Variants in LMF1 observed in about 807,000 individuals in gnomAD.
LMF1 encodes the protein lipase maturation factor 1, also known as transmembrane protein 112.
In LMF1, 68 loss-of-function variants were observed where a neutral mutation model predicts 60.6. The observed-to-expected ratio is 1.12, with a 90% CI of 0.92 to 1.37. The LOEUF is 1.37. Among genes scored for constraint, LMF1 ranks in the 40% most tolerant of loss-of-function variants. The pLI is 0.00. For synonymous variants in LMF1, 418 were observed against 324.7 expected (o/e 1.29, Z -3.09); for missense variants, 948 against 767.2 (o/e 1.24, Z -2.78).
chr16:867,615 G>A (rs1283740237), intron 10 of LMF1, among the ~76,000 whole-genome samples: 1 of 152,220 alleles, frequency 6.6e-6, no homozygotes, highest in African/African-American at 2.4e-5. Flanking sequence ...TGGTGGCCAC[G>A]TGGCAGGCAA....
intron 6 of LMF1, among the ~76,000 whole-genome samples, chr16:877,900 G>A (rs1331375925): frequency 6.6e-6 from 1 of 152,158 alleles, no homozygotes; most frequent in East Asian, 1.9e-4. Flanking sequence ...ACCAAGAGGA[G>A]GAAGTGTGAC....
chr16:944,707 A>G (rs1597045717), intron 2 of LMF1, among the ~76,000 whole-genome samples: 2 of 152,176 alleles, frequency 1.3e-5, no homozygotes, highest in South Asian at 4.1e-4. Flanking sequence ...TATTGTTTCA[A>G]TGTGAGACGT....
chr16:963,718 G>A (rs769371216), intron 1 of LMF1, among the ~76,000 whole-genome samples: 5 of 152,032 alleles, frequency 3.3e-5, no homozygotes, highest in Non-Finnish European at 5.9e-5. Flanking sequence ...GCAAACTCCA[G>A]GACCACAGAG....
intron 10 of LMF1, among the ~76,000 whole-genome samples, chr16:862,025 G>C (rs528630733): frequency 3.9e-5 from 6 of 152,320 alleles, no homozygotes; most frequent in Admixed American, 2.6e-4. Flanking sequence ...AACACTGACA[G>C]ATGTGATCGT....
At chr16:877,245 TA>T (rs2070018289) in intron 6 of LMF1, among the ~76,000 whole-genome samples, 1 of 152,178 alleles carries the variant, frequency 6.6e-6, no homozygotes. Context: ...AAGATAATAC[TA>T]TGACTTTTTT....
At chr16:908,502 G>A (rs1038972263) in intron 4 of LMF1, among the ~76,000 whole-genome samples, 3 of 151,732 alleles carry the variant, frequency 2.0e-5, no homozygotes, top group Admixed American at 6.6e-5. Flanking sequence ...GAGCACACCC[G>A]ACCAGGCAAG....
chr16:959,037 A>T (rs1036412498), intron 1 of LMF1, among the ~76,000 whole-genome samples: 2 of 152,200 alleles, frequency 1.3e-5, no homozygotes, highest in Non-Finnish European at 2.9e-5. Flanking sequence ...TGACCCAGAT[A>T]ATGAAGGGTT....
chr16:962,152 G>A lies in LMF1; in HGVS notation c.194-7486C>T, dbSNP rs1205395492. On this transcript the variant is annotated intron_variant, in intron 1 of 10. Coordinates refer to ENST00000262301, the MANE Select transcript of LMF1 (RefSeq NM_022773.4). This position sits in a 1 kb window ranked among gnomAD's most constrained non-coding sequence, Gnocchi z 4.5. The stretch of plus-strand genomic sequence containing the variant: ...AGACACAGACTCACGGTGACAGCAC[G>A]GGATCACGACCCAGACACAGACTCA... Among the ~76,000 whole-genome samples the A allele has an allele frequency of 1.3e-3, 23 of 18,164 alleles. No homozygotes were observed. Among genetic ancestry groups the A allele is most frequent in the South Asian group, 4.3e-3 (1 of 230 alleles). The allele number at this position is 18,164 out of a possible 152,430, so 11.9% of individuals were successfully genotyped here. A position where few individuals can be genotyped will look rare whatever the true frequency, so the allele number is the denominator to read the frequency against.
upstream of LMF1, among the ~76,000 whole-genome samples, chr16:972,123 G>C (rs150296069): frequency 1.2e-3 from 180 of 152,246 alleles, 1 homozygote; most frequent in African/African-American, 3.9e-3. Flanking sequence ...TGTGGACATC[G>C]GGCCCCCAAA....
chr16:865,582 G>C (rs1294118102), intron 10 of LMF1, among the ~76,000 whole-genome samples: 2 of 152,098 alleles, frequency 1.3e-5, no homozygotes, highest in African/African-American at 2.4e-5. Flanking sequence ...ATTATCTCTG[G>C]TTTTTAGAAA....
At position 879,866 on chromosome 16, in the gene LMF1, C is replaced by G. The variant is rs535906927; in HGVS notation, c.730-129G>C. The G allele has an allele frequency of 1.0e-5, 9 of 898,684 alleles. No individual in the cohort carries two copies. In the African/African-American group the frequency reaches 1.2e-4, roughly 12 times the overall value. 55.7% of individuals were successfully genotyped at this position (898,684 alleles called of 1,614,324 possible). ...CACAGGATCCCCCCGGCCCGCCTGG[C>G]CCTGCACACGTGGAGCCCACCTGCC... On this transcript the variant is annotated intron_variant, in intron 5 of 10. Coordinates refer to ENST00000262301, the MANE Select transcript of LMF1 (RefSeq NM_022773.4).
chr16:875,752 C>T (rs1196396316), intron 6 of LMF1, among the ~76,000 whole-genome samples: 1 of 152,168 alleles, frequency 6.6e-6, no homozygotes, highest in Admixed American at 6.5e-5. Context: ...GCCTCGGAAC[C>T]AGACCCGAGC....
At chr16:915,326 G>GCC (rs1020539171) in intron 3 of LMF1, among the ~76,000 whole-genome samples, 2 of 152,306 alleles carry the variant, frequency 1.3e-5, no homozygotes, top group Non-Finnish European at 2.9e-5. Context: ...AGGGTGGTGC[G>GCC]GAGAGCCCTC....
chr16:948,959 C>CCAACGACAGAGTCAGT (rs2072345459), intron 2 of LMF1, among the ~76,000 whole-genome samples: 1 of 75,362 alleles, frequency 1.3e-5, no homozygotes, highest in Non-Finnish European at 2.3e-5. Flanking sequence ...AGAGTCAGAG[C>CCAACGACAGAGTCAGT]CAACGACAGA....
intron 10 of LMF1, among the ~76,000 whole-genome samples, chr16:860,111 T>A (rs981590025): frequency 2.0e-5 from 3 of 151,574 alleles, no homozygotes; most frequent in Admixed American, 1.3e-4. Flanking sequence ...TATTAAGTTA[T>A]GAAACTTCTT....
At chr16:859,200 A>C (rs1377077424) in intron 10 of LMF1, among the ~76,000 whole-genome samples, 5 of 78,228 alleles carry the variant, frequency 6.4e-5, no homozygotes, top group Admixed American at 1.3e-4. Flanking sequence ...GACGGGTGTG[A>C]GTGGTGTCTC....
upstream of LMF1, among the ~76,000 whole-genome samples, chr16:972,606 G>A (rs897444082): frequency 3.3e-5 from 5 of 152,234 alleles, no homozygotes; most frequent in African/African-American, 9.6e-5. Context: ...GCCTGCTAGG[G>A]GACGGACGGC....
At chr16:909,505 G>A (rs561660637) in intron 4 of LMF1, among the ~76,000 whole-genome samples, 83 of 152,182 alleles carry the variant, frequency 5.5e-4, no homozygotes, top group African/African-American at 1.9e-3. Context: ...ACTGAGCCAC[G>A]CTACACAGAG....
chr16:927,745 T>G (rs1223637693), intron 3 of LMF1, among the ~76,000 whole-genome samples: 1 of 152,178 alleles, frequency 6.6e-6, no homozygotes, highest in East Asian at 1.9e-4. Context: ...TAATAAAAAC[T>G]TCCAGTTGGG....
Sources: gnomAD v4.1 joint callset for allele counts (sites outside exome capture counted in the v4.1 genomes callset) on GRCh38, gnomAD v4.1.1 for gene constraint, Gnocchi (gnomAD v3.1) non-coding constraint, MANE v1.5 for transcripts, NCBI Gene and HGNC (gene_info 2026-07-23, HGNC 2026-07-21) for gene names.